IGF2R: variants seen among roughly 807,000 people sequenced by gnomAD.
IGF2R encodes the protein insulin like growth factor 2 receptor.
A neutral mutation model predicts 270.6 loss-of-function variants in IGF2R; 91 were observed. That is an observed-to-expected ratio of 0.34 (90% CI 0.28 to 0.40). The LOEUF (loss-of-function observed/expected upper bound fraction) is 0.40. IGF2R is among the 10% of genes least tolerant of loss of function. The pLI, the probability that IGF2R is intolerant of heterozygous loss-of-function variation, is 1.00. For missense variants in IGF2R, 2,805 were observed against 3,188.3 expected (o/e 0.88, Z 2.90); for synonymous variants, 1,316 against 1,258.9 (o/e 1.05, Z -0.96).
Position 160,073,201 on chromosome 6 carries a change from C to G in IGF2R, c.4691-12C>G, listed in dbSNP as rs771883188. The G allele has an allele frequency of 8.1e-6, 13 of 1,609,846 alleles. No homozygotes were observed. The South Asian group carries it at 1.3e-4, about 16-fold the overall frequency. On this transcript the variant is annotated splice_polypyrimidine_tract_variant and intron_variant, in intron 33 of 47. Transcript: ENST00000356956. ...GTGATTGTGTTTTCTCCGCCTTTCC[C>G]TTGTGGTGCAGGGGCCTGCTTTGGA...
At chr6:160,036,283 C>T (rs1331924589) in intron 10 of IGF2R, among the ~76,000 whole-genome samples, 1 of 152,172 alleles carries the variant, frequency 6.6e-6, no homozygotes, top group Non-Finnish European at 1.5e-5. Flanking sequence ...ATCGCCCTCA[C>T]CTCCTAGCCT....
At chr6:160,000,731 T>G (rs928648320) in intron 2 of IGF2R, among the ~76,000 whole-genome samples, 6 of 110,718 alleles carry the variant, frequency 5.4e-5, no homozygotes, top group South Asian at 6.1e-4. Context: ...TGAGGTTGTT[T>G]TTTTTTTTTT....
intron 30 of IGF2R, among the ~76,000 whole-genome samples, chr6:160,069,115 A>T (rs1387120688): frequency 6.6e-6 from 1 of 151,964 alleles, no homozygotes; most frequent in Non-Finnish European, 1.5e-5. Context: ...TCCTTTTGTG[A>T]TGCAGGGACA....
intron 34 of IGF2R, 66 bp downstream of exon 34, chr6:160,073,535 T>G: frequency 6.4e-7 from 1 of 1,565,772 alleles, no homozygotes; most frequent in Non-Finnish European, 8.7e-7. Flanking sequence ...GGCCCCTTCG[T>G]CAGGTTCACT....
At chr6:160,024,506 G>A (rs1777509923) in intron 4 of IGF2R, 66 bp from the exon 5 acceptor site, 5 of 1,498,242 alleles carry the variant, frequency 3.3e-6, no homozygotes, top group South Asian at 1.2e-5. Context: ...TGTGACATTG[G>A]TCATAAGCTT....
intron 34 of IGF2R, 66 bp from the exon 35 acceptor site, chr6:160,073,691 T>C (rs1481634985): frequency 9.8e-6 from 13 of 1,325,498 alleles, no homozygotes; most frequent in East Asian, 2.3e-5. Context: ...TAAATTCTTA[T>C]GGATGACCTA....
At chr6:160,042,927 G>A (rs1451167448) in intron 11 of IGF2R, among the ~76,000 whole-genome samples, 1 of 151,992 alleles carries the variant, frequency 6.6e-6, no homozygotes, top group Non-Finnish European at 1.5e-5. Flanking sequence ...AAGAAGTATT[G>A]GGATGTAGTT....
chr6:160,095,433 A>T (rs1010229150), intron 44 of IGF2R: 2 of 152,316 alleles, frequency 1.3e-5, no homozygotes, highest in African/African-American at 4.8e-5. Context: ...CAAAATATTT[A>T]AAGATTGTTC....
chr6:160,073,017 T>C (rs1778777422), intron 33 of IGF2R, 133 bp downstream of exon 33: 1 of 1,393,144 alleles, frequency 7.2e-7, no homozygotes, highest in East Asian at 2.3e-5. Flanking sequence ...CCTGCAGCAG[T>C]CACCCCATGT....
intron 4 of IGF2R, among the ~76,000 whole-genome samples, chr6:160,024,071 G>A (rs1284043469): frequency 6.6e-6 from 1 of 152,208 alleles, no homozygotes; most frequent in Non-Finnish European, 1.5e-5. Context: ...AGCACTGGAT[G>A]TGTCAGCAGA....
In IGF2R at chr6:160,016,586, GC is replaced by G. The variant is rs370847333; in HGVS notation, c.513+5802del. ...GGAGATGAACTTGCGTAGCCCATCT[GC>G]TGAGACAAGTGCACAATTGCACAGT... is the stretch of plus-strand genomic sequence containing the variant. On this transcript the variant is annotated intron_variant, in intron 4 of 47. Coordinates refer to ENST00000356956, the MANE Select transcript of IGF2R (RefSeq NM_000876.4). Among the ~76,000 whole-genome samples the G allele has an allele frequency of 2.8e-4, 43 of 152,318 alleles. 1 individual carries two copies. The East Asian group carries it at 8.3e-3, about 29-fold the overall frequency.
Position 160,107,796 on chromosome 6 carries a change from C to T in IGF2R, c.*2712C>T, listed in dbSNP as rs941630990. 9.2e-5 allele frequency: 14 copies of T among 152,318 alleles called. No homozygotes were observed. In the South Asian group the frequency reaches 2.9e-3, roughly 32 times the overall value. 9.4% of individuals were successfully genotyped at this position (152,318 alleles called of 1,614,324 possible). ...TAATACGTAACACGAGATGATTCCT[C>T]AGGAAGGAACATATAGACATACAGA... On this transcript the variant is annotated 3_prime_UTR_variant, in exon 48 of 48. Coordinates refer to ENST00000356956, the MANE Select transcript of IGF2R (RefSeq NM_000876.4).
chr6:160,089,835 G>A, intron 43 of IGF2R, 81 bp from the exon 44 acceptor site: 1 of 986,360 alleles, frequency 1.0e-6, no homozygotes, highest in South Asian at 2.0e-5. Flanking sequence ...GCCCTGCAGT[G>A]ATTCTGAGGA....
intron 1 of IGF2R, among the ~76,000 whole-genome samples, chr6:159,986,313 C>T (rs186685632): frequency 3.3e-5 from 5 of 151,242 alleles, no homozygotes; most frequent in Admixed American, 2.6e-4. Context: ...CTCACTGCAA[C>T]CTCCACCTCC....
chr6:160,040,788 C>G (rs8191775), intron 11 of IGF2R, 64 bp downstream of exon 11: 47 of 1,493,820 alleles, frequency 3.1e-5, no homozygotes, highest in Non-Finnish European at 4.3e-5. Flanking sequence ...CCCATGAGTA[C>G]TTTTGGAAAT....
chr6:160,021,923 C>G (rs958838569), intron 4 of IGF2R, among the ~76,000 whole-genome samples: 2 of 152,096 alleles, frequency 1.3e-5, no homozygotes, highest in Non-Finnish European at 2.9e-5. Flanking sequence ...CAAAGAGATA[C>G]GTGCACTCGT....
Position 159,991,320 on chromosome 6 carries a change from G to A in IGF2R, c.286G>A (p.Val96Met), listed in dbSNP as rs1222332607. The A allele has an allele frequency of 1.9e-6, 3 of 1,605,260 alleles. No homozygotes were observed. The East Asian group carries it at 6.7e-5, about 36-fold the overall frequency. The part of the protein sequence containing the change: ...HDLKTRTYHS[V>M]GDSVLRSATR... ...CTTGAAGACACGCACTTATCATTCA[G>A]TGGGTAAGTAGAACTACCTGAAATT... The change falls in exon 2 of 48, where the codon GTG becomes ATG. Residue 96 changes from valine (V) to methionine (M), a missense_variant. By Grantham distance (21) the Val-to-Met change is conservative (BLOSUM62 1). This residue lies in a region of IGF2R where 954 missense variants were observed against 981.1 expected (regional missense o/e 0.97). Coordinates refer to ENST00000356956, the MANE Select transcript of IGF2R (RefSeq NM_000876.4).
At chr6:159,983,482 A>G (rs1436951228) in intron 1 of IGF2R, among the ~76,000 whole-genome samples, 1 of 152,264 alleles carries the variant, frequency 6.6e-6, no homozygotes, top group Non-Finnish European at 1.5e-5. Context: ...AGTCAGGAGC[A>G]AAACAGTATC....
At position 160,071,995 on chromosome 6, in the gene IGF2R, G is replaced by A. The variant is rs1027326245; in HGVS notation, c.4529G>A (p.Ser1510Asn). 1 of 1,614,210 alleles carries A rather than the reference G, an allele frequency of 6.2e-7. No homozygotes were observed. Among genetic ancestry groups the A allele is most frequent in the Non-Finnish European group, 8.5e-7 (1 of 1,180,030 alleles). The change falls in exon 32 of 48, where the codon AGC becomes AAC. Residue 1510 changes from serine to asparagine, a missense_variant. This residue lies in a region of IGF2R where 1,851 missense variants were observed against 2,207.2 expected (regional missense o/e 0.84). Coordinates refer to ENST00000356956, the MANE Select transcript of IGF2R (RefSeq NM_000876.4). Reference protein sequence around the residue: ...WPTATACPMKSNEHDDCQVTN... With the variant: ...WPTATACPMKNNEHDDCQVTN... ...ACAGCCACAGCCTGTCCCATGAAGA[G>A]CAACGAGCATGATGACTGCCAGGTC...
Sources: allele counts gnomAD v4.1 joint callset (sites outside exome capture counted in the v4.1 genomes callset), GRCh38; gene constraint gnomAD v4.1.1; regional missense constraint gnomAD v4.1.1; transcripts MANE v1.5; gene names NCBI Gene and HGNC (gene_info 2026-07-23, HGNC 2026-07-21).